The following CEP85 variants were observed in gnomAD, a reference collection of about 807,000 sequenced individuals.
CEP85 encodes the protein centrosomal protein 85, also known as centrosomal protein of 85 kDa.
In CEP85, 58 loss-of-function variants were observed where a neutral mutation model predicts 93.7. That is an observed-to-expected ratio of 0.62 (90% CI 0.50 to 0.77). The LOEUF is 0.77. Ranked by LOEUF, CEP85 falls within the 30% of genes least tolerant of loss-of-function variation. The pLI is 0.00. For synonymous variants in CEP85, 314 were observed against 338.6 expected (o/e 0.93, Z 0.80); for missense variants, 868 against 922.0 (o/e 0.94, Z 0.76).
In CEP85 at chr1:26,255,708, C is replaced by T. The variant is rs1197550703; in HGVS notation, c.746C>T (p.Pro249Leu). 1 of 1,614,034 alleles carries T rather than the reference C, an allele frequency of 6.2e-7. No individual in the cohort carries two copies. Among genetic ancestry groups the T allele is most frequent in the East Asian group, 2.2e-5 (1 of 44,898 alleles). Residue 249 changes from proline to leucine, a missense_variant, in exon 4 of 14, where the codon CCT (proline) becomes CTT (leucine). Transcript: ENST00000451429. ...GPHSNSSGVLPLGLQPAPGLS... is the reference protein window; with the variant it reads ...GPHSNSSGVLLLGLQPAPGLS... ...CATTCTAATAGCAGTGGGGTCCTCC[C>T]TTTGGGACTCCAGCCTGCTCCCGGG...
rs564509206 is a variant in CEP85, at chr1:26,235,462, G to C, written c.-23+1152G>C. On this transcript the variant is annotated intron_variant, in intron 1 of 13. Coordinates refer to ENST00000451429, the MANE Select transcript of CEP85 (RefSeq NM_001319944.2). ...ATAGTGTAATGGTGTGAGATCCTTC[G>C]TGTGTCTGTGTCAGCTGTCTGTGTA... Among the ~76,000 whole-genome samples the C allele has an allele frequency of 1.0e-3, 155 of 152,016 alleles. 1 individual carries two copies. Among genetic ancestry groups the C allele is most frequent in the African/African-American group, 3.6e-3 (148 of 41,432 alleles).
intron 6 of CEP85, 71 bp downstream of exon 6, chr1:26,258,331 A>G: frequency 1.0e-6 from 1 of 960,416 alleles, no homozygotes; most frequent in Non-Finnish European, 1.7e-6. Flanking sequence ...TGACACCATT[A>G]GGTATCCAGG....
intron 10 of CEP85, 103 bp from the exon 11 acceptor site, chr1:26,271,918 A>G (rs2089980323): frequency 2.2e-6 from 2 of 911,854 alleles, no homozygotes; most frequent in Admixed American, 4.0e-5. Context: ...CTTACTCTTA[A>G]TGGTCTAATA....
At chr1:26,274,023 GTT>G (rs61475455) in intron 11 of CEP85, among the ~76,000 whole-genome samples, 232 of 148,646 alleles carry the variant, frequency 1.6e-3, no homozygotes, top group African/African-American at 4.6e-3. Context: ...TTCCTTAGCA[GTT>G]TTTTTTTTTA....
chr1:26,272,983 G>A (rs1267951286), intron 11 of CEP85, among the ~76,000 whole-genome samples: 2 of 152,144 alleles, frequency 1.3e-5, no homozygotes, highest in African/African-American at 4.8e-5. Context: ...TCAGGCTCAA[G>A]TGTGGAAGAT....
rs1310929887 is a variant in CEP85 at position 26,277,709 on chromosome 1, C to T, written c.*416C>T. 28 of 156,482 alleles carry T rather than the reference C, an allele frequency of 1.8e-4. No individual in the cohort carries two copies. Among genetic ancestry groups the T allele is most frequent in the Admixed American group, 1.6e-3 (26 of 15,874 alleles). 9.7% of individuals were successfully genotyped at this position (156,482 alleles called of 1,614,324 possible). ...GGGGCCTGGAAAGGCTGAGCAAGTACCAGTGACAATGGCCATTTAAGAATT... is the reference window on the plus strand; with the variant it reads ...GGGGCCTGGAAAGGCTGAGCAAGTATCAGTGACAATGGCCATTTAAGAATT... On this transcript the variant is annotated 3_prime_UTR_variant, in exon 14 of 14. Coordinates refer to ENST00000451429, the MANE Select transcript of CEP85 (RefSeq NM_001319944.2).
chr1:26,276,262 G>T (rs1209469512), intron 12 of CEP85, among the ~76,000 whole-genome samples: 1 of 152,192 alleles, frequency 6.6e-6, no homozygotes, highest in Non-Finnish European at 1.5e-5. Flanking sequence ...TCTGGTTCTT[G>T]AACAGAAACT....
chr1:26,268,668 T>G (rs780165225), intron 8 of CEP85, 33 bp downstream of exon 8: 38 of 1,565,760 alleles, frequency 2.4e-5, no homozygotes, highest in Non-Finnish European at 3.2e-5. Flanking sequence ...CCTGGGGTGA[T>G]CAGGGAGTGG....
At chr1:26,276,164 T>G (rs2090050162) in intron 12 of CEP85, among the ~76,000 whole-genome samples, 1 of 152,210 alleles carries the variant, frequency 6.6e-6, no homozygotes, top group African/African-American at 2.4e-5. Flanking sequence ...ATTTCACGGT[T>G]CACATTAAGC....
At chr1:26,250,925 C>CTTTTTTTTTTTTTTTTTTTTTTTTTTT (rs71581048) in intron 3 of CEP85, among the ~76,000 whole-genome samples, 1 of 55,160 alleles carries the variant, frequency 1.8e-5, no homozygotes, top group Admixed American at 2.4e-4. Context: ...TTTTTTTTTT[C>CTTTTTTTTTTTTTTTTTTTTTTTTTTT]TTTTTTCTTT....
Position 26,255,504 on chromosome 1 carries a change from T to C in CEP85, c.542T>C (p.Ile181Thr), listed in dbSNP as rs373766182. ...ERQEEARKFD[I>T]PSMESTLNQS... The stretch of plus-strand genomic sequence containing the variant: ...CAAGAAGAGGCGAGGAAGTTTGATA[T>C]TCCTAGCATGGAATCTACCCTCAAT... The change falls in exon 4 of 14, where the codon ATT becomes ACT. Residue 181 changes from isoleucine (I) to threonine (T), a missense_variant. By Grantham distance (89) the Ile-to-Thr change is moderately conservative (BLOSUM62 -1). Coordinates refer to ENST00000451429, the MANE Select transcript of CEP85 (RefSeq NM_001319944.2). The C allele has an allele frequency of 3.3e-5, 54 of 1,614,024 alleles. No homozygotes were observed. The African/African-American group carries it at 5.1e-4, about 15-fold the overall frequency.
At chr1:26,269,330 A>T in intron 8 of CEP85, 130 bp from the exon 9 acceptor site, 1 of 835,524 alleles carries the variant, frequency 1.2e-6, no homozygotes, top group Non-Finnish European at 1.9e-6. Context: ...TTCTGCAGAA[A>T]GTAAAAATTG....
intron 8 of CEP85, chr1:26,269,218 A>G (rs2089936217): frequency 1.6e-5 from 8 of 498,746 alleles, no homozygotes; most frequent in Non-Finnish European, 2.9e-5. Context: ...CCAATAGGGG[A>G]ACGACATAGC....
In CEP85 at chr1:26,269,413, T is replaced by C. The variant is rs369869728; in HGVS notation, c.1495-47T>C. 9 of 1,591,194 alleles carry C rather than the reference T, an allele frequency of 5.7e-6. 1 individual carries two copies. Among genetic ancestry groups the C allele is most frequent in the Middle Eastern group, 1.7e-4 (1 of 5,970 alleles). On this transcript the variant is annotated intron_variant, in intron 8 of 13. Coordinates refer to ENST00000451429, the MANE Select transcript of CEP85 (RefSeq NM_001319944.2). ...CACCGAGGAACAAGCATTTTGCATT[T>C]ATAACACTTGGCTTATTTGACCTAA... is the stretch of plus-strand genomic sequence containing the variant.
chr1:26,242,383 A>T (rs960173863), intron 2 of CEP85, among the ~76,000 whole-genome samples: 1 of 152,244 alleles, frequency 6.6e-6, no homozygotes, highest in Admixed American at 6.5e-5. Context: ...CCAACTTAGT[A>T]TAGTAGCATT....
intron 2 of CEP85, among the ~76,000 whole-genome samples, chr1:26,242,968 A>G (rs980523645): frequency 2.6e-5 from 4 of 152,132 alleles, no homozygotes; most frequent in Admixed American, 1.3e-4. Flanking sequence ...AATAAATCTC[A>G]TCAGTCTTTT....
chr1:26,235,009 C>T (rs567015984), intron 1 of CEP85, among the ~76,000 whole-genome samples: 9 of 152,266 alleles, frequency 5.9e-5, no homozygotes, highest in East Asian at 5.8e-4. Context: ...GAAAAATCCC[C>T]CAAAATGTCA....
chr1:26,251,770 T>C (rs920614177), intron 3 of CEP85, among the ~76,000 whole-genome samples: 8 of 152,060 alleles, frequency 5.3e-5, no homozygotes, highest in African/African-American at 1.9e-4. Context: ...TTGGTGAATC[T>C]AGAGAGAGTG....
rs1467124722 is a variant in CEP85, at chr1:26,247,226, C to T, written c.208+2908C>T. Among the ~76,000 whole-genome samples the T allele has an allele frequency of 2.0e-5, 3 of 152,016 alleles. No individual in the cohort carries two copies. The East Asian group carries it at 5.8e-4, about 29-fold the overall frequency. On this transcript the variant is annotated intron_variant, in intron 3 of 13. Transcript: ENST00000451429. ...GAAGCTGGTGGAAACAGCATGACTG[C>T]CAAAGGGTAAGAGGTTTTCTTTTTG...
Sources: allele counts gnomAD v4.1 joint callset (sites outside exome capture counted in the v4.1 genomes callset), GRCh38; gene constraint gnomAD v4.1.1; transcripts MANE v1.5; gene names NCBI Gene and HGNC (gene_info 2026-07-23, HGNC 2026-07-21).